SEC61A2: variants seen among roughly 807,000 people sequenced by gnomAD.
SEC61A2 encodes protein transport protein Sec61 subunit alpha isoform 2.
SEC61A2 carries 28 observed loss-of-function variants against 59.9 expected under a neutral mutation model. The ratio of observed to expected loss-of-function variants is 0.47; its 90% CI spans 0.35 to 0.64. The LOEUF (loss-of-function observed/expected upper bound fraction) is 0.64, where lower values mean the gene tolerates loss of function less well. Ranked by LOEUF, SEC61A2 falls within the 30% of genes least tolerant of loss-of-function variation. The pLI, the probability that SEC61A2 is intolerant of heterozygous loss-of-function variation, is 0.01. For synonymous variants in SEC61A2, 202 were observed against 214.4 expected, an observed-to-expected ratio of 0.94 and a Z score of 0.50; for missense variants, 340 against 585.9, an observed-to-expected ratio of 0.58 and a Z score of 4.33.
In SEC61A2 at chr10:12,129,766, C is replaced by G; in HGVS notation, c.-22C>G. The G allele has an allele frequency of 6.7e-7, 1 of 1,488,382 alleles. No individual in the cohort carries two copies. The allele number at this position is 1,488,382 out of a possible 1,614,324, so 92.2% of individuals were successfully genotyped here. On this transcript the variant is annotated 5_prime_UTR_variant, in exon 1 of 12. Coordinates refer to ENST00000298428, the MANE Select transcript of SEC61A2 (RefSeq NM_018144.4). The surrounding 1 kb of genome is among the most constrained non-coding windows in gnomAD (Gnocchi z 5.6). ...GCAGCGCCGAGGCCGCGGTTTCCCC[C>G]TGGGCCTCCCCAGCAGCAGCCATGG...
chr10:12,153,417 A>C lies in SEC61A2; in HGVS notation c.463-2361A>C, dbSNP rs924673512. ...AAGCTCTCTAGTATCTTACTTAAGG[A>C]TCTATTCAGATTCCTAAGGAATCTC... On this transcript the variant is annotated intron_variant, in intron 6 of 11. Transcript: ENST00000298428. This position sits in a 1 kb window ranked among gnomAD's most constrained non-coding sequence, Gnocchi z 5.2. 1.3e-5 allele frequency among the ~76,000 whole-genome samples: 2 copies of C among 152,176 alleles called. No homozygotes were observed. The highest frequency in any genetic ancestry group is 4.8e-5 in the African/African-American group (2 of 41,432).
At position 12,155,648 on chromosome 10, in the gene SEC61A2, C is replaced by G; in HGVS notation, c.463-130C>G. The G allele has an allele frequency of 9.4e-7, 1 of 1,067,206 alleles. No individual in the cohort carries two copies. Among genetic ancestry groups the G allele is most frequent in the Non-Finnish European group, 1.4e-6 (1 of 716,614 alleles). The allele number at this position is 1,067,206 out of a possible 1,614,324, so 66.1% of individuals were successfully genotyped here. A position where few individuals can be genotyped will look rare whatever the true frequency, so the allele number is the denominator to read the frequency against. ...CAGGCCAAAAGATGCAGTTGGTCAT[C>G]ACAGTGAGATTGCAACGATCAGGCC... On this transcript the variant is annotated intron_variant, in intron 6 of 11. Transcript: ENST00000298428. The surrounding 1 kb of genome is among the most constrained non-coding windows in gnomAD (Gnocchi z 4.3).
Position 12,158,217 on chromosome 10 carries a change from C to A in SEC61A2, c.975+112C>A. 1 of 857,022 alleles carries A rather than the reference C, an allele frequency of 1.2e-6. No individual in the cohort carries two copies. The highest frequency in any genetic ancestry group is 1.8e-6 in the Non-Finnish European group (1 of 548,744). 53.1% of individuals were successfully genotyped at this position (857,022 alleles called of 1,614,324 possible). ...GGAGCATTTGCTGTATTTTCAGATT[C>A]ACTTACCTATATAGCAGAGTTTAGT... is the stretch of plus-strand genomic sequence containing the variant. On this transcript the variant is annotated intron_variant, in intron 9 of 11. Transcript: ENST00000298428. This position sits in a 1 kb window ranked among gnomAD's most constrained non-coding sequence, Gnocchi z 5.7.
intron 3 of SEC61A2, among the ~76,000 whole-genome samples, chr10:12,140,037 C>T (rs957824447): frequency 4.0e-5 from 6 of 151,616 alleles, no homozygotes; most frequent in African/African-American, 1.5e-4. Flanking sequence ...CCGAGAGCTG[C>T]TCCAGGGGTG....
At chr10:12,130,833 G>A (rs950941583) in intron 1 of SEC61A2, 1 of 152,758 alleles carries the variant, frequency 6.5e-6, no homozygotes, top group Non-Finnish European at 1.5e-5. Flanking sequence ...AATAGTACTT[G>A]GGTAACAAAC....
chr10:12,133,416 C>T, intron 2 of SEC61A2, 108 bp downstream of exon 2: 1 of 557,066 alleles, frequency 1.8e-6, no homozygotes, highest in Non-Finnish European at 3.3e-6. Context: ...AATTGGAAAA[C>T]TATTGGTGTT....
At chr10:12,167,971 A>T (rs777129971), downstream of SEC61A2, 38 of 1,328,388 alleles carry the variant, frequency 2.9e-5, no homozygotes, top group Non-Finnish European at 3.7e-5. Flanking sequence ...TAAAGAATAA[A>T]GACTATAAAG....
At position 12,165,323 on chromosome 10, in the gene SEC61A2, A is replaced by G. The variant is rs1220990721; in HGVS notation, c.*869A>G. On this transcript the variant is annotated 3_prime_UTR_variant, in exon 12 of 12. Transcript: ENST00000298428. ...CTGTTGTTGTACTCACAGCAGCAAC[A>G]TGAGTGTAAACAGTAGACAATAAAC... is the stretch of plus-strand genomic sequence containing the variant. 1.0e-6 allele frequency: 1 copy of G among 984,182 alleles called. No individual in the cohort carries two copies. The allele number at this position is 984,182 out of a possible 1,614,324, so 61.0% of individuals were successfully genotyped here.
At chr10:12,138,293 GA>G (rs540544173) in intron 3 of SEC61A2, among the ~76,000 whole-genome samples, 20 of 150,982 alleles carry the variant, frequency 1.3e-4, no homozygotes, top group South Asian at 1.0e-3. Flanking sequence ...AAAATACAAA[GA>G]AAAAAAAGAA....
intron 2 of SEC61A2, among the ~76,000 whole-genome samples, chr10:12,135,729 C>T (rs769822495): frequency 6.6e-6 from 1 of 152,212 alleles, no homozygotes; most frequent in Non-Finnish European, 1.5e-5. Flanking sequence ...CTTTCCACTT[C>T]TGAGTTGTTT....
downstream of SEC61A2, chr10:12,169,312 G>A (rs1834793946): frequency 1.3e-6 from 2 of 1,555,050 alleles, no homozygotes; most frequent in Non-Finnish European, 1.7e-6. The surrounding 1 kb of genome is among the most constrained non-coding windows in gnomAD (Gnocchi z 4.8). Flanking sequence ...TTACAAAAAG[G>A]ATACTCTTCT....
intron 6 of SEC61A2, 70 bp downstream of exon 6, chr10:12,150,031 CT>C: frequency 1.0e-6 from 1 of 997,310 alleles, no homozygotes; most frequent in Non-Finnish European, 1.6e-6. Context: ...TCTAACAGTT[CT>C]TTAGGTGATT....
At chr10:12,166,197 G>T, downstream of SEC61A2, 1 of 152,704 alleles carries the variant, frequency 6.5e-6, no homozygotes, top group Non-Finnish European at 1.5e-5. Flanking sequence ...GGAGTGGCTG[G>T]GGAGGAACTG....
chr10:12,134,802 C>T (rs575462846), intron 2 of SEC61A2, among the ~76,000 whole-genome samples: 132 of 152,072 alleles, frequency 8.7e-4, no homozygotes, highest in African/African-American at 3.0e-3. Flanking sequence ...CCTGTAGTCC[C>T]AGCTTCTCGG....
At chr10:12,135,768 C>T (rs924439716) in intron 2 of SEC61A2, among the ~76,000 whole-genome samples, 3 of 152,190 alleles carry the variant, frequency 2.0e-5, no homozygotes, top group African/African-American at 7.2e-5. Flanking sequence ...CCAGTTCGTT[C>T]CATCCAGGTT....
At chr10:12,138,653 C>T (rs1251265138) in intron 3 of SEC61A2, among the ~76,000 whole-genome samples, 2 of 152,200 alleles carry the variant, frequency 1.3e-5, no homozygotes, top group Non-Finnish European at 2.9e-5. Flanking sequence ...TGTCTAACTT[C>T]ATAATCTTTT....
Position 12,157,997 on chromosome 10 carries a change from C to T in SEC61A2, c.867C>T (p.Ile289=), listed in dbSNP as rs764898175. The T allele has an allele frequency of 3.7e-6, 6 of 1,614,042 alleles. 1 individual carries two copies. The South Asian group carries it at 6.6e-5, about 18-fold the overall frequency. ...YPIKLFYTSN[I]PIILQSALVS... Reference sequence around the variant, plus strand: ...TCAAACTCTTCTACACCTCCAACATCCCCATCATCCTCCAGTCGGCCCTGG... The same window carrying T: ...TCAAACTCTTCTACACCTCCAACATTCCCATCATCCTCCAGTCGGCCCTGG... The change falls in exon 9 of 12, where the codon ATC becomes ATT. Residue 289 remains isoleucine (I), a synonymous_variant. Transcript: ENST00000298428.
Position 12,161,130 on chromosome 10 carries a change from T to G in SEC61A2, c.1167+9T>G. 1.9e-6 allele frequency: 3 copies of G among 1,589,696 alleles called. No individual in the cohort carries two copies. In the South Asian group the frequency reaches 3.4e-5, roughly 18 times the overall value. ...GTTCCTCAGCCAAAGATGTAAGTGT[T>G]TGGTTTATTTTAAAATAAAACTCTT... is the stretch of plus-strand genomic sequence containing the variant. On this transcript the variant is annotated intron_variant, in intron 10 of 11. Coordinates refer to ENST00000298428, the MANE Select transcript of SEC61A2 (RefSeq NM_018144.4). The surrounding 1 kb of genome is among the most constrained non-coding windows in gnomAD (Gnocchi z 5.4).
In SEC61A2 at chr10:12,164,557, C is replaced by G; in HGVS notation, c.*103C>G. The G allele has an allele frequency of 1.3e-6, 2 of 1,506,376 alleles. No individual in the cohort carries two copies. Among genetic ancestry groups the G allele is most frequent in the South Asian group, 2.7e-5 (2 of 73,690 alleles). The allele number at this position is 1,506,376 out of a possible 1,614,324, so 93.3% of individuals were successfully genotyped here. A position where few individuals can be genotyped will look rare whatever the true frequency, so the allele number is the denominator to read the frequency against. ...CTCCCCTTTTCTCCCCTCACAGTTT[C>G]TTGTTTCGAGTGCTGACTGACCCGT... On this transcript the variant is annotated 3_prime_UTR_variant, in exon 12 of 12. Coordinates refer to ENST00000298428, the MANE Select transcript of SEC61A2 (RefSeq NM_018144.4). This position sits in a 1 kb window ranked among gnomAD's most constrained non-coding sequence, Gnocchi z 7.3.
Sources: allele counts gnomAD v4.1 joint callset (sites outside exome capture counted in the v4.1 genomes callset), GRCh38; gene constraint gnomAD v4.1.1; non-coding constraint Gnocchi (gnomAD v3.1); transcripts MANE v1.5; gene names NCBI Gene and HGNC (gene_info 2026-07-23, HGNC 2026-07-21).